ANKFN1: variants seen among roughly 807,000 people sequenced by gnomAD.
ANKFN1 encodes ankyrin repeat and fibronectin type-III domain-containing protein 1.
A neutral mutation model predicts 108.7 loss-of-function variants in ANKFN1; 74 were observed. That is an observed-to-expected ratio of 0.68 (90% CI 0.56 to 0.83). The LOEUF is 0.83. Ranked by LOEUF, ANKFN1 falls within the 40% of genes least tolerant of loss-of-function variation. ANKFN1 has a pLI of 0.00. For missense variants in ANKFN1, 1,505 were observed against 1,382.3 expected (o/e 1.09, Z -1.41); for synonymous variants, 547 against 516.2 (o/e 1.06, Z -0.81).
chr17:56,478,392 A>G (rs1316395945), intron 16 of ANKFN1, among the ~76,000 whole-genome samples: 1 of 152,158 alleles, frequency 6.6e-6, no homozygotes, highest in Non-Finnish European at 1.5e-5. Context: ...CATAGAGCCA[A>G]TGATTCCCCC....
chr17:56,466,537 C>T lies in ANKFN1; in HGVS notation c.1739C>T (p.Pro580Leu). 1 of 1,613,322 alleles carries T rather than the reference C, an allele frequency of 6.2e-7. No homozygotes were observed. Among genetic ancestry groups the T allele is most frequent in the South Asian group, 1.1e-5 (1 of 90,984 alleles). Residue 580 changes from proline to leucine, a missense_variant, in exon 15 of 21, where the codon CCA becomes CTA. Pro to Leu is a moderately conservative substitution (Grantham distance 98). Transcript: ENST00000682825. Reference protein sequence around the residue: ...QRKSLSTPEEPTALDILLITI... With the variant: ...QRKSLSTPEELTALDILLITI... ...AAGTCTCTATCAACACCTGAGGAGC[C>T]AACAGCTTTAGACATTCTACTGATA...
chr17:56,058,204 A>C lies in ANKFN1; in HGVS notation c.288+11879A>C, dbSNP rs1904913792. ...ACAAGAGAGCCAGTCTGTCCTTTGAAGCTTTGAAGCCAAGCATTGACTTCT... is the reference window on the plus strand; with the variant it reads ...ACAAGAGAGCCAGTCTGTCCTTTGACGCTTTGAAGCCAAGCATTGACTTCT... On this transcript the variant is annotated intron_variant, in intron 4 of 12. Coordinates refer to the ANKFN1 transcript ENST00000635860. 2.0e-5 allele frequency among the ~76,000 whole-genome samples: 3 copies of C among 152,238 alleles called. No individual in the cohort carries two copies. In the East Asian group the frequency reaches 5.8e-4, roughly 29 times the overall value.
intron 2 of ANKFN1, among the ~76,000 whole-genome samples, chr17:56,224,159 T>C (rs542199196): frequency 9.2e-5 from 14 of 152,330 alleles, no homozygotes; most frequent in Admixed American, 2.0e-4. Context: ...GAACACTTGA[T>C]CAAAGCAAAG....
At chr17:56,116,791 G>A (rs559383926) in intron 4 of ANKFN1, among the ~76,000 whole-genome samples, 25 of 152,164 alleles carry the variant, frequency 1.6e-4, no homozygotes, top group Non-Finnish European at 2.9e-4. Flanking sequence ...CAGAAGGCAA[G>A]TTAAAACAAA....
chr17:56,379,445 C>T (rs930931854), intron 8 of ANKFN1, among the ~76,000 whole-genome samples: 19 of 151,456 alleles, frequency 1.3e-4, no homozygotes, highest in Non-Finnish European at 2.5e-4. Context: ...TTCTTCCAGT[C>T]GTATTCATAC....
chr17:56,302,519 A>G (rs1288262534), intron 3 of ANKFN1, among the ~76,000 whole-genome samples: 1 of 132,258 alleles, frequency 7.6e-6, no homozygotes, highest in African/African-American at 3.1e-5. Flanking sequence ...AGCCTCTACA[A>G]AAAAAAAAAA....
In ANKFN1 at chr17:56,515,490, G is replaced by C. The variant is rs2051892677; in HGVS notation, c.*4221G>C. Among the ~76,000 whole-genome samples the C allele has an allele frequency of 6.6e-6, 1 of 152,134 alleles. No individual in the cohort carries two copies. The highest frequency in any genetic ancestry group is 2.4e-5 in the African/African-American group (1 of 41,436). On this transcript the variant is annotated 3_prime_UTR_variant, in exon 21 of 21. Transcript: ENST00000682825. Reference sequence around the variant, plus strand: ...TATCTCTTCATAGGTAATAGGGTGAGCAAGGAAAAAAACTGTTTTCTTTGC... The same window carrying C: ...TATCTCTTCATAGGTAATAGGGTGACCAAGGAAAAAAACTGTTTTCTTTGC...
chr17:56,397,633 G>A (rs1230132105), intron 8 of ANKFN1, among the ~76,000 whole-genome samples: 2 of 152,220 alleles, frequency 1.3e-5, no homozygotes, highest in African/African-American at 2.4e-5. Flanking sequence ...TATACAGTGT[G>A]TTAACTATGG....
In ANKFN1 at chr17:56,094,503, C is replaced by T. The variant is rs7222640; in HGVS notation, c.288+48178C>T. Among the ~76,000 whole-genome samples the T allele has an allele frequency of 2.8e-3, 153 of 54,000 alleles. 8 individuals are homozygous for T. The highest frequency in any genetic ancestry group is 0.019 in the African/African-American group (143 of 7,508). The allele number at this position is 54,000 out of a possible 152,430, so 35.4% of individuals were successfully genotyped here. A position where few individuals can be genotyped will look rare whatever the true frequency, so the allele number is the denominator to read the frequency against. ...TTTTTTTTTTTTTTTTTTTTTGAGGCGAAGTCTTGTTTTGTCGCCAGGCTG... is the reference window on the plus strand; with the variant it reads ...TTTTTTTTTTTTTTTTTTTTTGAGGTGAAGTCTTGTTTTGTCGCCAGGCTG... On this transcript the variant is annotated intron_variant, in intron 4 of 12. Coordinates refer to the ANKFN1 transcript ENST00000635860.
chr17:56,163,779 G>A (rs1909898024), intron 1 of ANKFN1, among the ~76,000 whole-genome samples: 1 of 152,170 alleles, frequency 6.6e-6, no homozygotes, highest in Admixed American at 6.5e-5. Context: ...TCCAATGCCT[G>A]TGAATATTAA....
intron 1 of ANKFN1, among the ~76,000 whole-genome samples, chr17:56,170,775 TATATATATATATATATATATA>T (rs1910592856): frequency 2.0e-5 from 1 of 50,290 alleles, no homozygotes; most frequent in African/African-American, 1.4e-4. Context: ...AAAAATTTTT[TATATATATATATATATATATA>T]TATATATATA....
rs566145389 is a variant in ANKFN1, at chr17:56,084,678, T to C, written c.288+38353T>C. Reference sequence around the variant, plus strand: ...AGAATGTGTTACCAACCTTCTTTAGTACAGATAAAATATACCTCATGCTAT... The same window carrying C: ...AGAATGTGTTACCAACCTTCTTTAGCACAGATAAAATATACCTCATGCTAT... On this transcript the variant is annotated intron_variant, in intron 4 of 12. Coordinates refer to the ANKFN1 transcript ENST00000635860. Among the ~76,000 whole-genome samples the C allele has an allele frequency of 9.5e-4, 143 of 151,098 alleles. 1 individual carries two copies. The highest frequency in any genetic ancestry group is 3.2e-3 in the African/African-American group (132 of 41,112).
At chr17:56,095,699 C>A (rs912275219) in intron 4 of ANKFN1, among the ~76,000 whole-genome samples, 2 of 152,118 alleles carry the variant, frequency 1.3e-5, no homozygotes, top group African/African-American at 4.8e-5. Flanking sequence ...ATGCCCTGAG[C>A]GCAAAGCATG....
intron 8 of ANKFN1, among the ~76,000 whole-genome samples, chr17:56,415,936 C>CA (rs1437511700): frequency 3.9e-5 from 6 of 152,090 alleles, no homozygotes; most frequent in Admixed American, 2.0e-4. Context: ...TCATTTTCAA[C>CA]AAAAAAGCCA....
chr17:56,261,556 C>T (rs548623868), intron 3 of ANKFN1, among the ~76,000 whole-genome samples: 21 of 152,266 alleles, frequency 1.4e-4, no homozygotes, highest in African/African-American at 2.4e-4. Flanking sequence ...AGTCCCAAAA[C>T]CTCAAAAGTA....
At chr17:56,280,242 A>G (rs1043704197) in intron 3 of ANKFN1, among the ~76,000 whole-genome samples, 1 of 152,014 alleles carries the variant, frequency 6.6e-6, no homozygotes, top group Non-Finnish European at 1.5e-5. Context: ...TTTTTTCCAG[A>G]AGAGATTAGC....
intron 3 of ANKFN1, among the ~76,000 whole-genome samples, chr17:56,276,614 A>G (rs758390057): frequency 2.4e-4 from 36 of 152,016 alleles, no homozygotes; most frequent in Non-Finnish European, 4.6e-4. Context: ...GATGGTGAGC[A>G]TTTTTTCATG....
At chr17:56,137,513 T>G (rs1907668225) in intron 4 of ANKFN1, among the ~76,000 whole-genome samples, 1 of 152,164 alleles carries the variant, frequency 6.6e-6, no homozygotes, top group Non-Finnish European at 1.5e-5. Flanking sequence ...TAGTCCTGCT[T>G]ACTTGTAAAT....
intron 8 of ANKFN1, among the ~76,000 whole-genome samples, chr17:56,396,623 T>G (rs1230578756): frequency 6.6e-6 from 1 of 152,094 alleles, no homozygotes; most frequent in Non-Finnish European, 1.5e-5. Context: ...CTAAAAATAG[T>G]GATGAATACT....
Sources: gnomAD v4.1 joint callset for allele counts (sites outside exome capture counted in the v4.1 genomes callset) on GRCh38, gnomAD v4.1.1 for gene constraint, MANE v1.5 for transcripts, NCBI Gene and HGNC (gene_info 2026-07-23, HGNC 2026-07-21) for gene names.